Variants in ANKS4B observed in about 807,000 individuals in gnomAD.
ANKS4B encodes ankyrin repeat and sterile alpha motif domain containing 4B, also known as ankyrin repeat and SAM domain-containing protein 4B.
In ANKS4B, 21 loss-of-function variants were observed where a neutral mutation model predicts 20.2. The observed-to-expected ratio is 1.04, with a 90% CI of 0.74 to 1.50. ANKS4B has a LOEUF of 1.50. ANKS4B is among the 40% of genes most tolerant of loss of function. The probability of loss-of-function intolerance (pLI) is 0.00; values close to 1 mark genes in which losing one functional copy is unlikely to be tolerated. For missense variants in ANKS4B, 473 were observed against 494.6 expected, an observed-to-expected ratio of 0.96 and a Z score of 0.41; for synonymous variants, 179 against 194.5, an observed-to-expected ratio of 0.92 and a Z score of 0.66.
At chr16:21,240,770 AT>A (rs935525649) in intron 1 of ANKS4B, among the ~76,000 whole-genome samples, 20 of 147,316 alleles carry the variant, frequency 1.4e-4, no homozygotes, top group African/African-American at 4.5e-4. Context: ...CCACTATTTT[AT>A]TTTTTTTTTA....
Position 21,250,461 on chromosome 16 carries a change from C to A in ANKS4B, c.895C>A (p.Pro299Thr). The A allele has an allele frequency of 6.2e-7, 1 of 1,614,046 alleles. No individual in the cohort carries two copies. The highest frequency in any genetic ancestry group is 8.5e-7 in the Non-Finnish European group (1 of 1,179,990). ...DSKREFGFKLPSELLQRQGAS... is the reference protein window; with the variant it reads ...DSKREFGFKLTSELLQRQGAS... Reference sequence around the variant, plus strand: ...CAAGAGAGAGTTTGGTTTTAAACTGCCCAGTGAATTGCTTCAAAGACAAGG... The same window carrying A: ...CAAGAGAGAGTTTGGTTTTAAACTGACCAGTGAATTGCTTCAAAGACAAGG... Residue 299 changes from proline to threonine, a missense_variant, in exon 2 of 2, where the codon CCC (proline) becomes ACC (threonine). Physicochemically the swap from Pro to Thr is conservative, Grantham distance 38. Transcript: ENST00000311620.
At chr16:21,240,753 A>T (rs1313226837) in intron 1 of ANKS4B, among the ~76,000 whole-genome samples, 1 of 151,698 alleles carries the variant, frequency 6.6e-6, no homozygotes, top group Non-Finnish European at 1.5e-5. Flanking sequence ...AAAAGTTGAG[A>T]TCCACGCCAC....
At chr16:21,241,992 G>C (rs2093327081) in intron 1 of ANKS4B, among the ~76,000 whole-genome samples, 1 of 152,070 alleles carries the variant, frequency 6.6e-6, no homozygotes, top group African/African-American at 2.4e-5. Context: ...GAGGCCAGGA[G>C]TTCGAGACTA....
chr16:21,233,837 A>G lies in ANKS4B; in HGVS notation c.100A>G (p.Thr34Ala). ...AAATCTTTCGGATGAAGACGGCATG[A>G]CTCCTACTCTCTTGGCAGCCTACCA... ...DLNLSDEDGM[T>A]PTLLAAYHGN... Residue 34 changes from threonine (T) to alanine (A), a missense_variant, in exon 1 of 2, where the codon ACT becomes GCT. Transcript: ENST00000311620. 1 of 1,613,616 alleles carries G rather than the reference A, an allele frequency of 6.2e-7. No homozygotes were observed. Among genetic ancestry groups the G allele is most frequent in the Non-Finnish European group, 8.5e-7 (1 of 1,179,822 alleles).
rs370459140 is a variant in ANKS4B, at chr16:21,237,167, T to G, written c.164+3266T>G. On this transcript the variant is annotated intron_variant, in intron 1 of 1. Transcript: ENST00000311620. Reference sequence around the variant, plus strand: ...TCCTAAGTAGCTGGGTCTACAGGCGTGCACTACCACGCCGGGCTAATTTTT... The same window carrying G: ...TCCTAAGTAGCTGGGTCTACAGGCGGGCACTACCACGCCGGGCTAATTTTT... Among the ~76,000 whole-genome samples the G allele has an allele frequency of 2.0e-5, 3 of 152,190 alleles. 1 individual carries two copies. The East Asian group carries it at 5.8e-4, about 30-fold the overall frequency.
intron 1 of ANKS4B, among the ~76,000 whole-genome samples, chr16:21,234,521 C>CACACACACA (rs71151624): frequency 6.7e-6 from 1 of 149,322 alleles, no homozygotes; most frequent in Non-Finnish European, 1.5e-5. Flanking sequence ...CACACACACA[C>CACACACACA]CCCATCTCTT....
At chr16:21,241,814 GA>G (rs1489188874) in intron 1 of ANKS4B, among the ~76,000 whole-genome samples, 1 of 152,022 alleles carries the variant, frequency 6.6e-6, no homozygotes, top group Non-Finnish European at 1.5e-5. Flanking sequence ...CAAGCTAATT[GA>G]CTATGTGTTA....
rs139084448 is a variant in ANKS4B, at chr16:21,244,350, C to T, written c.165-5381C>T. Among the ~76,000 whole-genome samples, 510 of 152,204 alleles carry T rather than the reference C, an allele frequency of 3.4e-3. 2 individuals carry two copies. Among genetic ancestry groups the T allele is most frequent in the South Asian group, 9.3e-3 (45 of 4,814 alleles). On this transcript the variant is annotated intron_variant, in intron 1 of 1. Coordinates refer to ENST00000311620, the MANE Select transcript of ANKS4B (RefSeq NM_145865.3). ...AACCTAGATGACAGGTTGACAGGTG[C>T]AGCAAACCACCATGGCACATGTATA...
chr16:21,234,291 G>C (rs1293734015), intron 1 of ANKS4B, among the ~76,000 whole-genome samples: 1 of 151,592 alleles, frequency 6.6e-6, no homozygotes, highest in East Asian at 1.9e-4. Flanking sequence ...AAATGACATG[G>C]TTTTAGTTTT....
intron 1 of ANKS4B, among the ~76,000 whole-genome samples, chr16:21,235,526 G>C (rs963940306): frequency 6.6e-6 from 1 of 152,190 alleles, no homozygotes; most frequent in Non-Finnish European, 1.5e-5. Context: ...CAGGTAGATG[G>C]ATAACAGTCG....
intron 1 of ANKS4B, chr16:21,239,027 A>G (rs1194280813): frequency 6.6e-6 from 1 of 152,178 alleles, no homozygotes; most frequent in African/African-American, 2.4e-5. Flanking sequence ...CAAATTTCCA[A>G]TTAGATTTAA....
At chr16:21,249,340 A>G (rs988236116) in intron 1 of ANKS4B, among the ~76,000 whole-genome samples, 12 of 152,180 alleles carry the variant, frequency 7.9e-5, no homozygotes, top group African/African-American at 2.9e-4. Flanking sequence ...GCTAGGTGTC[A>G]TGGTGCATGC....
rs567114723 is a variant in ANKS4B at position 21,235,400 on chromosome 16, A to G, written c.164+1499A>G. On this transcript the variant is annotated intron_variant, in intron 1 of 1. Transcript: ENST00000311620. Reference sequence around the variant, plus strand: ...GGGGTCAGGACAAGTATAAGAGATAAGACCAGATCACAAAGAGCCTTGTCA... The same window carrying G: ...GGGGTCAGGACAAGTATAAGAGATAGGACCAGATCACAAAGAGCCTTGTCA... 7.7e-4 allele frequency among the ~76,000 whole-genome samples: 118 copies of G among 152,280 alleles called. 1 individual carries two copies. Among genetic ancestry groups the G allele is most frequent in the African/African-American group, 2.7e-3 (112 of 41,550 alleles).
chr16:21,241,121 C>T (rs1451378240), intron 1 of ANKS4B, among the ~76,000 whole-genome samples: 4 of 152,094 alleles, frequency 2.6e-5, no homozygotes, highest in South Asian at 2.1e-4. Flanking sequence ...TTAGAGGGTA[C>T]GTGTGCAGGT....
At chr16:21,247,304 C>T (rs1006037447) in intron 1 of ANKS4B, among the ~76,000 whole-genome samples, 3 of 152,112 alleles carry the variant, frequency 2.0e-5, no homozygotes, top group Non-Finnish European at 4.4e-5. Flanking sequence ...ACCTTGTGAT[C>T]CACCCACCTC....
chr16:21,237,284 G>T (rs2093321372), intron 1 of ANKS4B, among the ~76,000 whole-genome samples: 1 of 152,188 alleles, frequency 6.6e-6, no homozygotes, highest in African/African-American at 2.4e-5. Context: ...GCCTCCCAAA[G>T]TGTTGGGATT....
In ANKS4B at chr16:21,253,038, A is replaced by AG. The variant is rs2093341553; in HGVS notation, c.*2218_*2219insG. The AG allele has an allele frequency of 6.6e-6, 1 of 151,664 alleles. No homozygotes were observed. The highest frequency in any genetic ancestry group is 1.5e-5 in the Non-Finnish European group (1 of 67,980). 9.4% of individuals were successfully genotyped at this position (151,664 alleles called of 1,614,324 possible). A position where few individuals can be genotyped will look rare whatever the true frequency, so the allele number is the denominator to read the frequency against. ...ACTCCATCTCAAAAAAAAAAAAAAAAAAAAAGAAAAAAGAAACTGACAACA... is the reference window on the plus strand; with the variant it reads ...ACTCCATCTCAAAAAAAAAAAAAAAAGAAAAAGAAAAAAGAAACTGACAACA... On this transcript the variant is annotated 3_prime_UTR_variant, in exon 2 of 2. Transcript: ENST00000311620.
chr16:21,236,827 G>A (rs973909732), intron 1 of ANKS4B, among the ~76,000 whole-genome samples: 2 of 152,108 alleles, frequency 1.3e-5, no homozygotes, highest in Non-Finnish European at 2.9e-5. Context: ...CTACTAAGAT[G>A]TATATAGTTC....
intron 1 of ANKS4B, among the ~76,000 whole-genome samples, chr16:21,249,383 G>A (rs910777588): frequency 6.6e-6 from 1 of 152,194 alleles, no homozygotes; most frequent in Non-Finnish European, 1.5e-5. Flanking sequence ...GGCTGAGCAG[G>A]GAGAATCACC....
Sources: gnomAD v4.1 joint callset for allele counts (sites outside exome capture counted in the v4.1 genomes callset) on GRCh38, gnomAD v4.1.1 for gene constraint, MANE v1.5 for transcripts, NCBI Gene and HGNC (gene_info 2026-07-23, HGNC 2026-07-21) for gene names.